Variants in RUSC2 observed in about 807,000 individuals in gnomAD.
RUSC2 encodes the protein AP-4 complex accessory subunit RUSC2.
RUSC2 carries 34 observed loss-of-function variants against 122.2 expected under a neutral mutation model. That is an observed-to-expected ratio of 0.28 (90% CI 0.21 to 0.37). RUSC2 has a LOEUF of 0.37. Ranked by LOEUF, RUSC2 falls within the 10% of genes least tolerant of loss-of-function variation. RUSC2 has a pLI of 1.00. For synonymous variants in RUSC2, 784 were observed against 790.0 expected (o/e 0.99, Z 0.13); for missense variants, 1,747 against 1,952.4 (o/e 0.89, Z 1.98).
intron 1 of RUSC2, among the ~76,000 whole-genome samples, chr9:35,536,564 G>A (rs982233719): frequency 5.3e-5 from 8 of 152,186 alleles, no homozygotes; most frequent in Admixed American, 3.3e-4. Flanking sequence ...TGTAATCCCA[G>A]CACTTTGGGA....
rs1209473422 is a variant in RUSC2 at position 35,561,170 on chromosome 9, T to C, written c.4350-11T>C. 2.5e-6 allele frequency: 4 copies of C among 1,613,786 alleles called. No homozygotes were observed. Among genetic ancestry groups the C allele is most frequent in the East Asian group, 2.2e-5 (1 of 44,894 alleles). On this transcript the variant is annotated splice_polypyrimidine_tract_variant and intron_variant, in intron 11 of 11. Coordinates refer to ENST00000361226, the MANE Select transcript of RUSC2 (RefSeq NM_014806.5). Reference sequence around the variant, plus strand: ...GGGGGTTTCTCTGACCTCCATGTGCTGTTTCCCCAGTGAGGTGCAGGCACT... The same window carrying C: ...GGGGGTTTCTCTGACCTCCATGTGCCGTTTCCCCAGTGAGGTGCAGGCACT...
chr9:35,559,340 G>GA, intron 9 of RUSC2, 68 bp downstream of exon 9: 1 of 1,345,218 alleles, frequency 7.4e-7, no homozygotes, highest in Non-Finnish European at 1.1e-6. Flanking sequence ...GAGGAAGGAA[G>GA]AGCTGTCTTT....
chr9:35,500,357 A>G (rs1358507470), intron 1 of RUSC2, among the ~76,000 whole-genome samples: 1 of 152,188 alleles, frequency 6.6e-6, no homozygotes, highest in Non-Finnish European at 1.5e-5. Flanking sequence ...CAAGAACAGC[A>G]CAGGAAAGAC....
At chr9:35,551,436 G>A (rs1313209027) in intron 2 of RUSC2, among the ~76,000 whole-genome samples, 2 of 152,188 alleles carry the variant, frequency 1.3e-5, no homozygotes, top group East Asian at 3.8e-4. Flanking sequence ...GGGCATGGGA[G>A]GGAGATCTCT....
In RUSC2 at chr9:35,561,380, T is replaced by TGA; in HGVS notation, c.4551_*1dup. 6.2e-7 allele frequency: 1 copy of TGA among 1,609,020 alleles called. No individual in the cohort carries two copies. The highest frequency in any genetic ancestry group is 1.1e-5 in the South Asian group (1 of 90,286). ...PSPTPGSSQN[*] is the part of the protein sequence containing the mutation. ...TCCAACCCCTGGAAGCAGCCAAAAC[T>TGA]GAGGCCCTGTGCATGCTGGTGGCCT... Residue 1517 remains the stop codon, a frameshift_variant and stop_retained_variant, in exon 12 of 12, where the codon TGA becomes TGAGA. Transcript: ENST00000361226. LOFTEE classifies it high-confidence loss of function.
At chr9:35,529,717 A>G (rs1043739361) in intron 1 of RUSC2, among the ~76,000 whole-genome samples, 1 of 151,858 alleles carries the variant, frequency 6.6e-6, no homozygotes, top group African/African-American at 2.4e-5. Context: ...GACTGAAGAC[A>G]TATCTGCTCA....
At chr9:35,556,530 A>ACCTCTAAGTGATGGCTGGGC in intron 5 of RUSC2, 82 bp downstream of exon 5, 4 of 1,327,958 alleles carry the variant, frequency 3.0e-6, no homozygotes, top group Non-Finnish European at 4.1e-6. Flanking sequence ...CCAGTCTGAA[A>ACCTCTAAGTGATGGCTGGGC]CCTCTAAGTG....
rs2131709705 is a variant in RUSC2, at chr9:35,561,323, CT to C, written c.4493del (p.Leu1498ArgfsTer4). ...SRGPDSGLVPLAYVTLTPTPS... is the reference protein window; with the variant it reads ...SRGPDSGLVPXAYVTLTPTPS... The stretch of plus-strand genomic sequence containing the variant: ...TGGCCCCGACTCTGGCCTGGTGCCC[CT>C]GGCCTACGTGACATTGACCCCAACT... On this transcript the variant is annotated frameshift_variant, in exon 12 of 12. Coordinates refer to ENST00000361226, the MANE Select transcript of RUSC2 (RefSeq NM_014806.5). LOFTEE classifies it high-confidence loss of function. The C allele has an allele frequency of 6.2e-7, 1 of 1,614,142 alleles. No individual in the cohort carries two copies. Among genetic ancestry groups the C allele is most frequent in the Non-Finnish European group, 8.5e-7 (1 of 1,180,014 alleles).
In RUSC2 at chr9:35,558,233, G is replaced by A. The variant is rs1385237649; in HGVS notation, c.3097G>A (p.Gly1033Ser). 2 of 1,613,938 alleles carry A rather than the reference G, an allele frequency of 1.2e-6. No homozygotes were observed. The highest frequency in any genetic ancestry group is 1.1e-5 in the South Asian group (1 of 91,068). ...AAACAGTTCTGTGAGCCCCAATGTGGGCCACCTGGTTCTGAAGTACTTGTG... is the reference window on the plus strand; with the variant it reads ...AAACAGTTCTGTGAGCCCCAATGTGAGCCACCTGGTTCTGAAGTACTTGTG... ...LGNSSVSPNV[G>S]HLVLKYLCPA... Residue 1033 changes from glycine to serine, a missense_variant, in exon 7 of 12, where the codon GGC becomes AGC. Transcript: ENST00000361226. This position sits in a 1 kb window ranked among gnomAD's most constrained non-coding sequence, Gnocchi z 4.3.
chr9:35,555,366 C>T lies in RUSC2; in HGVS notation c.2321C>T (p.Pro774Leu), dbSNP rs1318864166. 10 of 1,614,134 alleles carry T rather than the reference C, an allele frequency of 6.2e-6. No homozygotes were observed. The highest frequency in any genetic ancestry group is 8.5e-6 in the Non-Finnish European group (10 of 1,180,048). The change falls in exon 3 of 12, where the codon CCA becomes CTA. Residue 774 changes from proline to leucine, a missense_variant. Physicochemically the swap from Pro to Leu is moderately conservative, Grantham distance 98. Coordinates refer to ENST00000361226, the MANE Select transcript of RUSC2 (RefSeq NM_014806.5). This position sits in a 1 kb window ranked among gnomAD's most constrained non-coding sequence, Gnocchi z 4.6. ...GGGTCTGAGCCAGAGACCTCTCGGC[C>T]ATCGCCCCTGGGCAGCTACTCCCCC... The part of the protein sequence containing the change: ...KAGSEPETSR[P>L]SPLGSYSPIR...
intron 1 of RUSC2, among the ~76,000 whole-genome samples, chr9:35,491,229 G>T (rs7875587): frequency 0.04 from 6,113 of 152,254 alleles, 370 homozygotes; most frequent in African/African-American, 0.12. Context: ...AGGTGGTATC[G>T]CTGAGGGATG....
chr9:35,545,366 G>A lies in RUSC2; in HGVS notation c.-92-1064G>A, dbSNP rs79281369. 2.0e-3 allele frequency among the ~76,000 whole-genome samples: 308 copies of A among 152,344 alleles called. 1 individual carries two copies. Among genetic ancestry groups the A allele is most frequent in the Non-Finnish European group, 2.2e-3 (153 of 68,038 alleles). ...TGAGGAGTCGAAGGGAATGAAGACT[G>A]TTGCGACCTGAACGTGGAAACACAG... On this transcript the variant is annotated intron_variant, in intron 1 of 11. Coordinates refer to ENST00000361226, the MANE Select transcript of RUSC2 (RefSeq NM_014806.5).
chr9:35,493,420 T>A lies in RUSC2; in HGVS notation c.-93+3248T>A, dbSNP rs188485164. Among the ~76,000 whole-genome samples the A allele has an allele frequency of 3.3e-5, 5 of 152,332 alleles. No individual in the cohort carries two copies. The East Asian group carries it at 9.7e-4, about 29-fold the overall frequency. On this transcript the variant is annotated intron_variant, in intron 1 of 11. Transcript: ENST00000361226. ...TTAGGTTGATTCCGTGGCTTTGCTA[T>A]TGTAAATAGTGCTGCAGTTGGTTAG...
chr9:35,558,027 C>T lies in RUSC2; in HGVS notation c.3060+37C>T, dbSNP rs1563874995. ...AATGTGGAGAGCTGAGCTCTGCCTG[C>T]AAGCCCTCACCTGTCCCGCGCTACC... On this transcript the variant is annotated intron_variant, in intron 6 of 11. Transcript: ENST00000361226. The surrounding 1 kb of genome is among the most constrained non-coding windows in gnomAD (Gnocchi z 4.3). 1 of 1,596,240 alleles carries T rather than the reference C, an allele frequency of 6.3e-7. No individual in the cohort carries two copies. Among genetic ancestry groups the T allele is most frequent in the East Asian group, 2.2e-5 (1 of 44,780 alleles).
chr9:35,511,903 G>A (rs892473673), intron 1 of RUSC2, among the ~76,000 whole-genome samples: 2 of 152,130 alleles, frequency 1.3e-5, no homozygotes, highest in African/African-American at 2.4e-5. Flanking sequence ...AATCTCGGCC[G>A]GGCGCGGTGG....
chr9:35,535,035 T>C (rs562390868), intron 1 of RUSC2, among the ~76,000 whole-genome samples: 1 of 152,262 alleles, frequency 6.6e-6, no homozygotes, highest in African/African-American at 2.4e-5. Context: ...TGTTTTTTTC[T>C]TTTGTCACTT....
chr9:35,516,631 TCTTC>T (rs1225712115), intron 1 of RUSC2, among the ~76,000 whole-genome samples: 6 of 152,314 alleles, frequency 3.9e-5, no homozygotes, highest in African/African-American at 1.2e-4. Context: ...ACCTCAGGAT[TCTTC>T]CTTCACATTC....
rs760524309 is a variant in RUSC2, at chr9:35,548,338, T to C, written c.1817T>C (p.Met606Thr). 6.2e-6 allele frequency: 10 copies of C among 1,614,038 alleles called. No homozygotes were observed. The Admixed American group carries it at 1.5e-4, about 24-fold the overall frequency. The change falls in exon 2 of 12, where the codon ATG becomes ACG. Residue 606 changes from methionine to threonine, a missense_variant. Physicochemically the swap from Met to Thr is moderately conservative, Grantham distance 81. Coordinates refer to ENST00000361226, the MANE Select transcript of RUSC2 (RefSeq NM_014806.5). The surrounding 1 kb of genome is among the most constrained non-coding windows in gnomAD (Gnocchi z 4.5). ...SLPPMPLGPG[M>T]DLLGPDPSPP... ...CCACCCATGCCTTTGGGGCCAGGCA[T>C]GGACCTACTTGGCCCAGACCCAAGT...
At chr9:35,492,790 C>T (rs554620338) in intron 1 of RUSC2, among the ~76,000 whole-genome samples, 1 of 151,848 alleles carries the variant, frequency 6.6e-6, no homozygotes, top group African/African-American at 2.4e-5. Flanking sequence ...TTTTTTTCAT[C>T]TTCCCAGACT....
Sources: gnomAD v4.1 joint callset for allele counts (sites outside exome capture counted in the v4.1 genomes callset) on GRCh38, gnomAD v4.1.1 for gene constraint, Gnocchi (gnomAD v3.1) non-coding constraint, MANE v1.5 for transcripts, NCBI Gene and HGNC (gene_info 2026-07-23, HGNC 2026-07-21) for gene names.